The following YIPF6 variants were observed in gnomAD, a reference collection of about 807,000 sequenced individuals.
YIPF6 encodes the protein protein YIPF6.
A neutral mutation model predicts 16.8 loss-of-function variants in YIPF6; 3 were observed. That is an observed-to-expected ratio of 0.18 (90% CI 0.08 to 0.46). The LOEUF (loss-of-function observed/expected upper bound fraction) is 0.46. Ranked by LOEUF, YIPF6 falls within the 20% of genes least tolerant of loss-of-function variation. The pLI is 0.98. For missense variants in YIPF6, 145 were observed against 184.9 expected (o/e 0.78, Z 1.25); for synonymous variants, 67 against 61.9 (o/e 1.08, Z -0.38).
intron 2 of YIPF6, among the ~76,000 whole-genome samples, chrX:68,512,826 C>A (rs1167769616): frequency 2.9e-5 from 3 of 101,774 alleles, no homozygotes; most frequent in Non-Finnish European, 4.0e-5. Flanking sequence ...CTTCCAGTTT[C>A]TTGATTTTTT....
intron 2 of YIPF6, among the ~76,000 whole-genome samples, chrX:68,512,348 C>G (rs1227319510): frequency 9.1e-6 from 1 of 109,652 alleles, no homozygotes; most frequent in Non-Finnish European, 1.9e-5. Context: ...GAAATCCCAG[C>G]TGCTTGGGAG....
intron 3 of YIPF6, among the ~76,000 whole-genome samples, chrX:68,517,964 T>TAAAA (rs1442462525): frequency 1.3e-5 from 1 of 77,670 alleles, no homozygotes; most frequent in Non-Finnish European, 2.3e-5. Context: ...AGACCCTGTT[T>TAAAA]CAAAAAAAAA....
intron 2 of YIPF6, 85 bp downstream of exon 2, chrX:68,512,062 C>A: frequency 1.0e-6 from 1 of 969,273 alleles, no homozygotes; most frequent in Non-Finnish European, 1.4e-6. Context: ...TCATTTGGTT[C>A]ACTGATTTTG....
intron 3 of YIPF6, among the ~76,000 whole-genome samples, chrX:68,516,739 T>A (rs758321903): frequency 8.9e-6 from 1 of 112,205 alleles, no homozygotes; most frequent in Admixed American, 9.4e-5. Context: ...CTTTTTGGAA[T>A]GAATTGAGGA....
At chrX:68,527,757 C>T (rs2079154770) in intron 6 of YIPF6, among the ~76,000 whole-genome samples, 1 of 111,948 alleles carries the variant, frequency 8.9e-6, no homozygotes, top group Non-Finnish European at 1.9e-5. Flanking sequence ...GCAGGTCGTT[C>T]AGTTTCTGTG....
At chrX:68,520,748 A>G (rs901204908) in intron 4 of YIPF6, among the ~76,000 whole-genome samples, 1 of 112,065 alleles carries the variant, frequency 8.9e-6, no homozygotes, top group Non-Finnish European at 1.9e-5. Context: ...CTGAGATTAC[A>G]GGCTAAGCCA....
chrX:68,499,300 G>A, intron 1 of YIPF6, 177 bp downstream of exon 1: 1 of 555,309 alleles, frequency 1.8e-6, no homozygotes, highest in Non-Finnish European at 2.7e-6. Context: ...TAACCGCTTT[G>A]CCCCCTGCCC....
chrX:68,525,911 G>A (rs1251577065), intron 6 of YIPF6, among the ~76,000 whole-genome samples: 2 of 111,854 alleles, frequency 1.8e-5, no homozygotes, highest in African/African-American at 6.5e-5. Context: ...TTGGAGGTCA[G>A]ATAGAGTGAT....
intron 6 of YIPF6, among the ~76,000 whole-genome samples, chrX:68,530,357 G>A (rs1285246282): frequency 1.8e-5 from 2 of 111,422 alleles, no homozygotes; most frequent in Admixed American, 9.5e-5. Flanking sequence ...AGACTGCTGT[G>A]CTGGCAGTGA....
At chrX:68,510,470 C>A (rs2079075953) in intron 1 of YIPF6, among the ~76,000 whole-genome samples, 1 of 109,675 alleles carries the variant, frequency 9.1e-6, no homozygotes, top group Non-Finnish European at 1.9e-5. Flanking sequence ...TTTCTTTCCT[C>A]TATAAGAAAC....
chrX:68,524,599 G>A (rs2079139927), intron 6 of YIPF6, among the ~76,000 whole-genome samples: 1 of 109,227 alleles, frequency 9.2e-6, no homozygotes, highest in South Asian at 4.0e-4. Context: ...GTATACACAT[G>A]CCATGGTGGT....
intron 1 of YIPF6, among the ~76,000 whole-genome samples, chrX:68,505,062 C>T (rs1257610155): frequency 2.7e-5 from 3 of 111,804 alleles, no homozygotes; most frequent in Non-Finnish European, 3.8e-5. Context: ...ACAAGCAATC[C>T]TGGCACTTGA....
rs774507232 is a variant in YIPF6 at position 68,535,071 on chromosome X, C to T, written c.*3072C>T. On this transcript the variant is annotated 3_prime_UTR_variant, in exon 7 of 7. Transcript: ENST00000462683. ...GAATGTGCAGTAAAGTCTTAAAAGT[C>T]AACCGTTAATCATTAAGTCTTTTGC... 1.7e-4 allele frequency: 19 copies of T among 112,494 alleles called. No individual in the cohort carries two copies. The South Asian group carries it at 6.6e-3, about 39-fold the overall frequency. 9.3% of individuals were successfully genotyped at this position (112,494 alleles called of 1,213,427 possible). A position where few individuals can be genotyped will look rare whatever the true frequency, so the allele number is the denominator to read the frequency against.
At chrX:68,514,322 A>G (rs1016814588) in intron 3 of YIPF6, 1 of 109,193 alleles carries the variant, frequency 9.2e-6, no homozygotes, top group African/African-American at 3.3e-5. Context: ...CTAATTTACA[A>G]TATTTACATT....
intron 3 of YIPF6, among the ~76,000 whole-genome samples, chrX:68,515,576 G>A (rs2079099192): frequency 1.8e-5 from 2 of 111,270 alleles, no homozygotes; most frequent in Admixed American, 1.9e-4. Flanking sequence ...GGTCTTCTGG[G>A]GCATTAACAC....
At chrX:68,518,272 CA>C (rs56068863) in intron 3 of YIPF6, among the ~76,000 whole-genome samples, 26,373 of 73,941 alleles carry the variant, frequency 0.36, 6,188 homozygotes, top group African/African-American at 0.77. Context: ...AACTCCATCT[CA>C]AAAAAAAAAA....
chrX:68,522,732 A>T, intron 5 of YIPF6, 28 bp from the exon 6 acceptor site: 1 of 1,174,186 alleles, frequency 8.5e-7, no homozygotes, highest in South Asian at 1.9e-5. Context: ...TGTATTTATG[A>T]TCTTTATTAA....
rs181222863 is a variant in YIPF6, at chrX:68,509,849, T to C, written c.58-2000T>C. On this transcript the variant is annotated intron_variant, in intron 1 of 6. Coordinates refer to ENST00000462683, the MANE Select transcript of YIPF6 (RefSeq NM_173834.4). ...AGGCTCTTTCCTCTAGGGGCTTTTT[T>C]CTAGAGAAGAGCCTGTAAGTGGGTG... Among the ~76,000 whole-genome samples, 231 of 112,021 alleles carry C rather than the reference T, an allele frequency of 2.1e-3. 2 individuals carry two copies. The highest frequency in any genetic ancestry group is 7.2e-3 in the African/African-American group (222 of 30,887).
chrX:68,524,498 TAA>T (rs2079139518), intron 6 of YIPF6, among the ~76,000 whole-genome samples: 1 of 108,173 alleles, frequency 9.2e-6, no homozygotes, highest in East Asian at 2.9e-4. Context: ...TTTATTTGGC[TAA>T]AAATATATAT....
Sources: gnomAD v4.1 joint callset for allele counts (sites outside exome capture counted in the v4.1 genomes callset) on GRCh38, gnomAD v4.1.1 for gene constraint, MANE v1.5 for transcripts, NCBI Gene and HGNC (gene_info 2026-07-23, HGNC 2026-07-21) for gene names.